Variants in GPR157 observed in about 807,000 individuals in gnomAD.
GPR157 encodes the protein G protein-coupled receptor 157, also known as G-protein coupled receptor 157.
A neutral mutation model predicts 23.5 loss-of-function variants in GPR157; 16 were observed. The ratio of observed to expected loss-of-function variants is 0.68; its 90% CI spans 0.46 to 1.04. GPR157 has a LOEUF of 1.04. GPR157 is among the 50% of genes least tolerant of loss of function. The pLI is 0.00. For missense variants in GPR157, 440 were observed against 460.7 expected (o/e 0.96, Z 0.41); for synonymous variants, 200 against 221.5 (o/e 0.90, Z 0.86).
chr1:9,124,425 A>G (rs993995027), intron 1 of GPR157, among the ~76,000 whole-genome samples: 1 of 152,214 alleles, frequency 6.6e-6, no homozygotes, highest in Non-Finnish European at 1.5e-5. Flanking sequence ...GAGCCTATGA[A>G]TGGACGTGCA....
chr1:9,129,080 G>A lies in GPR157; in HGVS notation c.-53C>T, dbSNP rs1482095720. The A allele has an allele frequency of 2.6e-5, 31 of 1,208,336 alleles. No homozygotes were observed. Among genetic ancestry groups the A allele is most frequent in the Admixed American group, 4.4e-5 (1 of 22,608 alleles). 74.9% of individuals were successfully genotyped at this position (1,208,336 alleles called of 1,614,324 possible). ...CGCGAGGACAGAAGCCGGGCCGCGC[G>A]TGCGGCCACGCCGCCGCCGTCTGGG... On this transcript the variant is annotated 5_prime_UTR_variant, in exon 1 of 4. The change creates a new upstream start codon in the 5' untranslated region. Transcript: ENST00000377411.
chr1:9,117,797 C>CA (rs965757898), intron 1 of GPR157, among the ~76,000 whole-genome samples: 12 of 151,788 alleles, frequency 7.9e-5, no homozygotes, highest in East Asian at 1.9e-4. Context: ...ACAAAAAACA[C>CA]AAAAAAACAA....
At position 9,104,755 on chromosome 1, in the gene GPR157, CTT is replaced by C. The variant is rs1557693150; in HGVS notation, c.793-123_793-122del. 10 of 674,502 alleles carry C rather than the reference CTT, an allele frequency of 1.5e-5. No homozygotes were observed. The South Asian group carries it at 1.9e-4, about 13-fold the overall frequency. The allele number at this position is 674,502 out of a possible 1,614,324, so 41.8% of individuals were successfully genotyped here. A position where few individuals can be genotyped will look rare whatever the true frequency, so the allele number is the denominator to read the frequency against. ...GTGGCTCACACCTGTAATCCCAGCCCTTTGGGAGGCTGAGGTGGGCGGATCAC... is the reference window on the plus strand; with the variant it reads ...GTGGCTCACACCTGTAATCCCAGCCCTGGGAGGCTGAGGTGGGCGGATCAC... On this transcript the variant is annotated intron_variant, in intron 3 of 3. Transcript: ENST00000377411.
chr1:9,122,589 G>T (rs1412320525), intron 1 of GPR157, among the ~76,000 whole-genome samples: 2 of 152,120 alleles, frequency 1.3e-5, no homozygotes, highest in Non-Finnish European at 2.9e-5. Context: ...TGGCCACCAG[G>T]TAGAAAGCAA....
chr1:9,106,437 G>C (rs1024295168), intron 2 of GPR157, among the ~76,000 whole-genome samples: 1 of 152,144 alleles, frequency 6.6e-6, no homozygotes, highest in African/African-American at 2.4e-5. Flanking sequence ...CACTCCACAT[G>C]CTCCTTACGG....
At chr1:9,126,159 T>C (rs770019) in intron 1 of GPR157, among the ~76,000 whole-genome samples, 118,395 of 152,086 alleles carry the variant, frequency 0.78, 46,933 homozygotes, top group East Asian at 0.97. Flanking sequence ...GGTTTTGCCA[T>C]GTTGGCCAGG....
intron 2 of GPR157, among the ~76,000 whole-genome samples, chr1:9,107,446 C>T (rs1638368528): frequency 6.6e-6 from 1 of 152,076 alleles, no homozygotes. Context: ...TGAGAGTAAC[C>T]TGGGCAACAG....
chr1:9,115,098 TG>T (rs780599677), intron 1 of GPR157, among the ~76,000 whole-genome samples: 13 of 151,730 alleles, frequency 8.6e-5, no homozygotes, highest in Admixed American at 1.3e-4. Context: ...GAGGGTGGAA[TG>T]GTCCACTGAT....
At chr1:9,119,691 C>A (rs898343871) in intron 1 of GPR157, among the ~76,000 whole-genome samples, 1 of 152,172 alleles carries the variant, frequency 6.6e-6, no homozygotes, top group African/African-American at 2.4e-5. Context: ...TCCCTACCCC[C>A]ACAATGCCCA....
In GPR157 at chr1:9,100,652, A is replaced by G. The variant is rs1269032861; in HGVS notation, c.*3767T>C. On this transcript the variant is annotated 3_prime_UTR_variant, in exon 4 of 4. Coordinates refer to ENST00000377411, the MANE Select transcript of GPR157 (RefSeq NM_024980.5). Reference sequence around the variant, plus strand: ...GAGCTGCGGACACCGTTCCGGCTGCAGTACGTGTTATGGCTGAGGTTACAC... The same window carrying G: ...GAGCTGCGGACACCGTTCCGGCTGCGGTACGTGTTATGGCTGAGGTTACAC... 1.3e-5 allele frequency: 2 copies of G among 152,276 alleles called. No individual in the cohort carries two copies. Among genetic ancestry groups the G allele is most frequent in the African/African-American group, 2.4e-5 (1 of 41,472 alleles). The allele number at this position is 152,276 out of a possible 1,614,324, so 9.4% of individuals were successfully genotyped here. A position where few individuals can be genotyped will look rare whatever the true frequency, so the allele number is the denominator to read the frequency against.
chr1:9,104,327 G>T lies in GPR157; in HGVS notation c.*92C>A. 1 of 915,076 alleles carries T rather than the reference G, an allele frequency of 1.1e-6. No individual in the cohort carries two copies. Among genetic ancestry groups the T allele is most frequent in the Non-Finnish European group, 1.7e-6 (1 of 579,746 alleles). The allele number at this position is 915,076 out of a possible 1,614,324, so 56.7% of individuals were successfully genotyped here. A position where few individuals can be genotyped will look rare whatever the true frequency, so the allele number is the denominator to read the frequency against. On this transcript the variant is annotated 3_prime_UTR_variant, in exon 4 of 4. Coordinates refer to ENST00000377411, the MANE Select transcript of GPR157 (RefSeq NM_024980.5). ...AATAGCGGGGGCTTCTGGTGCAGCA[G>T]ACATGCACTTCTGCCCCTGCAGCAG...
chr1:9,108,569 AGAG>A lies in GPR157; in HGVS notation c.597+2704_597+2706del, dbSNP rs1276982500. On this transcript the variant is annotated intron_variant, in intron 2 of 3. Transcript: ENST00000377411. ...AAACTTTCCAGGGCAGTGGAAAAGA[AGAG>A]GAGGTGAGAAGGGCATCCATCACCT... Among the ~76,000 whole-genome samples the A allele has an allele frequency of 3.3e-5, 5 of 152,200 alleles. No individual in the cohort carries two copies. In the East Asian group the frequency reaches 7.7e-4, roughly 23 times the overall value.
Position 9,104,254 on chromosome 1 carries a change from A to G in GPR157, c.*165T>C, listed in dbSNP as rs1434442792. On this transcript the variant is annotated 3_prime_UTR_variant, in exon 4 of 4. Coordinates refer to ENST00000377411, the MANE Select transcript of GPR157 (RefSeq NM_024980.5). ...CTTGCTGCCTGAGGATCTAGGAGGT[A>G]GAAGAAGCTGAGTTGGCAGCTGCTC... 1 of 601,644 alleles carries G rather than the reference A, an allele frequency of 1.7e-6. No homozygotes were observed. The highest frequency in any genetic ancestry group is 3.0e-5 in the Admixed American group (1 of 33,834). The allele number at this position is 601,644 out of a possible 1,614,324, so 37.3% of individuals were successfully genotyped here.
chr1:9,128,914 C>T lies in GPR157; in HGVS notation c.114G>A (p.Leu38=). 6.5e-7 allele frequency: 1 copy of T among 1,543,620 alleles called. No homozygotes were observed. The change falls in exon 1 of 4, where the codon CTG becomes CTA. Residue 38 remains leucine, a synonymous_variant. Coordinates refer to ENST00000377411, the MANE Select transcript of GPR157 (RefSeq NM_024980.5). The surrounding 1 kb of genome is among the most constrained non-coding windows in gnomAD (Gnocchi z 6.3). The part of the protein sequence containing the change: ...GSGLLVATHA[L]WPDLRSRARR... ...GTGCCCGGCTGCGCAGGTCGGGCCACAGGGCGTGCGTGGCCACCAGCAGGC... is the reference window on the plus strand; with the variant it reads ...GTGCCCGGCTGCGCAGGTCGGGCCATAGGGCGTGCGTGGCCACCAGCAGGC...
Position 9,104,310 on chromosome 1 carries a change from G to C in GPR157, c.*109C>G. 2 of 769,418 alleles carry C rather than the reference G, an allele frequency of 2.6e-6. No individual in the cohort carries two copies. Among genetic ancestry groups the C allele is most frequent in the Non-Finnish European group, 4.3e-6 (2 of 464,772 alleles). The allele number at this position is 769,418 out of a possible 1,614,324, so 47.7% of individuals were successfully genotyped here. A position where few individuals can be genotyped will look rare whatever the true frequency, so the allele number is the denominator to read the frequency against. ...ATGGAGCCGAGAGCATCAATAGCGG[G>C]GGCTTCTGGTGCAGCAGACATGCAC... On this transcript the variant is annotated 3_prime_UTR_variant, in exon 4 of 4. Coordinates refer to ENST00000377411, the MANE Select transcript of GPR157 (RefSeq NM_024980.5).
intron 1 of GPR157, among the ~76,000 whole-genome samples, chr1:9,116,339 T>TATAGATAA (rs1491438357): frequency 7.2e-5 from 1 of 13,964 alleles, no homozygotes; most frequent in Non-Finnish European, 9.9e-5. Flanking sequence ...TTATATATAA[T>TATAGATAA]TTATATATAA....
At position 9,103,535 on chromosome 1, in the gene GPR157, A is replaced by G. The variant is rs1241601946; in HGVS notation, c.*884T>C. Reference sequence around the variant, plus strand: ...CAAAAAACTAAACTAAGAAGTAAATAAGCCAGAACCCCTCCCTACTCATCC... The same window carrying G: ...CAAAAAACTAAACTAAGAAGTAAATGAGCCAGAACCCCTCCCTACTCATCC... On this transcript the variant is annotated 3_prime_UTR_variant, in exon 4 of 4. Coordinates refer to ENST00000377411, the MANE Select transcript of GPR157 (RefSeq NM_024980.5). 6.6e-6 allele frequency: 1 copy of G among 152,188 alleles called. No homozygotes were observed. The highest frequency in any genetic ancestry group is 1.5e-5 in the Non-Finnish European group (1 of 68,042). The allele number at this position is 152,188 out of a possible 1,614,324, so 9.4% of individuals were successfully genotyped here.
chr1:9,105,502 A>T lies in GPR157; in HGVS notation c.776T>A (p.Val259Glu). 1 of 1,572,624 alleles carries T rather than the reference A, an allele frequency of 6.4e-7. No homozygotes were observed. Among genetic ancestry groups the T allele is most frequent in the South Asian group, 1.2e-5 (1 of 85,682 alleles). ...CAGACCTACATGCAGAACCACCAGC[A>T]CCGGCGTCTGCACGGCCGGGGAGCC... ...LCGSPAVQTP[V>E]LVVLHGIGNT... The change falls in exon 3 of 4, where the codon GTG becomes GAG. Residue 259 changes from valine to glutamate, a missense_variant. Coordinates refer to ENST00000377411, the MANE Select transcript of GPR157 (RefSeq NM_024980.5). This position sits in a 1 kb window ranked among gnomAD's most constrained non-coding sequence, Gnocchi z 4.8.
At chr1:9,114,557 G>A (rs564413352) in intron 1 of GPR157, among the ~76,000 whole-genome samples, 57 of 152,178 alleles carry the variant, frequency 3.7e-4, no homozygotes, top group African/African-American at 1.3e-3. Context: ...GGTCACGGTC[G>A]GCACAGCACT....
Sources: gnomAD v4.1 joint callset for allele counts (sites outside exome capture counted in the v4.1 genomes callset) on GRCh38, gnomAD v4.1.1 for gene constraint, Gnocchi (gnomAD v3.1) non-coding constraint, MANE v1.5 for transcripts, NCBI Gene and HGNC (gene_info 2026-07-23, HGNC 2026-07-21) for gene names.